The following TVP23C variants were observed in gnomAD, a reference collection of about 807,000 sequenced individuals.
The protein encoded by TVP23C is Golgi apparatus membrane protein TVP23 homolog C.
Under a neutral mutation model 28.7 loss-of-function variants are expected in TVP23C, and 19 were observed. The observed-to-expected ratio is 0.66, with a 90% CI of 0.46 to 0.97. The LOEUF is 0.97. Ranked by LOEUF, TVP23C falls within the 50% of genes least tolerant of loss-of-function variation. The pLI, the probability that TVP23C is intolerant of heterozygous loss-of-function variation, is 0.00. For synonymous variants in TVP23C, 68 were observed against 81.7 expected (o/e 0.83, Z 0.90); for missense variants, 186 against 241.3 (o/e 0.77, Z 1.52).
intron 5 of TVP23C, among the ~76,000 whole-genome samples, chr17:15,511,797 A>G (rs559844008): frequency 6.6e-6 from 1 of 152,196 alleles, no homozygotes; most frequent in South Asian, 2.1e-4. Context: ...GATACTTTCA[A>G]TATCTAATGT....
chr17:15,552,544 C>T (rs1252748249), intron 3 of TVP23C, among the ~76,000 whole-genome samples: 6 of 151,870 alleles, frequency 4.0e-5, no homozygotes, highest in Non-Finnish European at 1.5e-5. Flanking sequence ...ATTAGCCAGG[C>T]GTGGTGGTGC....
At chr17:15,541,049 T>C (rs1983390646) in intron 5 of TVP23C, among the ~76,000 whole-genome samples, 1 of 152,194 alleles carries the variant, frequency 6.6e-6, no homozygotes, top group Admixed American at 6.5e-5. Context: ...GGGGATGCAA[T>C]GCCCTAAGGC....
rs1983346279 is a variant in TVP23C at position 15,540,053 on chromosome 17, A to C, written c.*359T>G. 1 of 1,073,046 alleles carries C rather than the reference A, an allele frequency of 9.3e-7. No homozygotes were observed. Among genetic ancestry groups the C allele is most frequent in the Admixed American group, 4.9e-5 (1 of 20,498 alleles). 66.5% of individuals were successfully genotyped at this position (1,073,046 alleles called of 1,614,324 possible). A position where few individuals can be genotyped will look rare whatever the true frequency, so the allele number is the denominator to read the frequency against. ...GGTTGCAGTGAGCCGAGATTGCACC[A>C]CTGCACTCCAGCCTGGGCGACAGAG... On this transcript the variant is annotated 3_prime_UTR_variant, in exon 6 of 6. Coordinates refer to ENST00000518321, the MANE Select transcript of TVP23C (RefSeq NM_001135036.2).
chr17:15,505,094 G>C (rs1040643946), intron 5 of TVP23C, among the ~76,000 whole-genome samples: 1 of 151,688 alleles, frequency 6.6e-6, no homozygotes, highest in Admixed American at 6.6e-5. Flanking sequence ...AGAGGTAGTG[G>C]TAATGAAGGC....
intron 5 of TVP23C, among the ~76,000 whole-genome samples, chr17:15,525,161 T>C (rs1390874342): frequency 6.6e-6 from 1 of 152,182 alleles, no homozygotes; most frequent in African/African-American, 2.4e-5. Context: ...ATGTATACAA[T>C]GGCTTTCACC....
intron 1 of TVP23C, among the ~76,000 whole-genome samples, 170 bp from the exon 2 acceptor site, chr17:15,555,534 A>G (rs547315137): frequency 1.3e-5 from 2 of 152,318 alleles, no homozygotes; most frequent in South Asian, 4.2e-4. Flanking sequence ...CCGCCTCCTC[A>G]AATCATCTGG....
intron 5 of TVP23C, among the ~76,000 whole-genome samples, chr17:15,542,947 C>A (rs765449631): frequency 6.6e-6 from 1 of 152,188 alleles, no homozygotes; most frequent in Non-Finnish European, 1.5e-5. Flanking sequence ...CTGGCTTTCA[C>A]ATAACCTCTC....
rs1983233108 is a variant in TVP23C at position 15,538,109 on chromosome 17, C to A, written c.*2303G>T. The stretch of plus-strand genomic sequence containing the variant: ...TCAGTTGTTCCCCAATGTAACAAAG[C>A]ACATAAGCTTTCTCTATTCAGGAAG... On this transcript the variant is annotated 3_prime_UTR_variant, in exon 6 of 6. Transcript: ENST00000518321. The A allele has an allele frequency of 1.2e-6, 2 of 1,613,544 alleles. No homozygotes were observed. The highest frequency in any genetic ancestry group is 2.7e-5 in the African/African-American group (2 of 74,836).
chr17:15,539,024 C>T lies in TVP23C; in HGVS notation c.*1388G>A, dbSNP rs1983285102. On this transcript the variant is annotated 3_prime_UTR_variant, in exon 6 of 6. Transcript: ENST00000518321. ...CTGGGTTTAAGATCTAGCTTTGTAC[C>T]ACTATTAGCTGTATAATCTTAAGTA... 1 of 985,016 alleles carries T rather than the reference C, an allele frequency of 1.0e-6. No homozygotes were observed. The highest frequency in any genetic ancestry group is 1.8e-5 in the African/African-American group (1 of 57,122). 61.0% of individuals were successfully genotyped at this position (985,016 alleles called of 1,614,324 possible). A position where few individuals can be genotyped will look rare whatever the true frequency, so the allele number is the denominator to read the frequency against.
chr17:15,504,235 G>A (rs187837523), intron 5 of TVP23C, among the ~76,000 whole-genome samples: 4 of 152,262 alleles, frequency 2.6e-5, no homozygotes, highest in African/African-American at 9.6e-5. Flanking sequence ...ATTTTCAACA[G>A]GAACAAGACT....
At position 15,538,952 on chromosome 17, in the gene TVP23C, A is replaced by T; in HGVS notation, c.*1460T>A. 1.0e-6 allele frequency: 1 copy of T among 985,812 alleles called. No homozygotes were observed. Among genetic ancestry groups the T allele is most frequent in the African/African-American group, 1.7e-5 (1 of 57,362 alleles). The allele number at this position is 985,812 out of a possible 1,614,324, so 61.1% of individuals were successfully genotyped here. On this transcript the variant is annotated 3_prime_UTR_variant, in exon 6 of 6. Transcript: ENST00000518321. Reference sequence around the variant, plus strand: ...TCTACTTTTCATCTTCTGTGAGAGAAACTGTACAGTAGAATAAAAAGAACA... The same window carrying T: ...TCTACTTTTCATCTTCTGTGAGAGATACTGTACAGTAGAATAAAAAGAACA...
At chr17:15,511,278 T>C (rs1981992679) in intron 5 of TVP23C, among the ~76,000 whole-genome samples, 1 of 152,104 alleles carries the variant, frequency 6.6e-6, no homozygotes, top group East Asian at 1.9e-4. Flanking sequence ...GAGGTTATTA[T>C]GAGCAAACAA....
chr17:15,539,929 T>G lies in TVP23C; in HGVS notation c.*483A>C. On this transcript the variant is annotated 3_prime_UTR_variant, in exon 6 of 6. Coordinates refer to ENST00000518321, the MANE Select transcript of TVP23C (RefSeq NM_001135036.2). Reference sequence around the variant, plus strand: ...TAACATGATGAAATCCCATCTCTACTGAAAATACAAAAAATTAGCTGGGCG... The same window carrying G: ...TAACATGATGAAATCCCATCTCTACGGAAAATACAAAAAATTAGCTGGGCG... The G allele has an allele frequency of 7.5e-6, 5 of 670,438 alleles. No individual in the cohort carries two copies. Among genetic ancestry groups the G allele is most frequent in the South Asian group, 5.5e-5 (1 of 18,324 alleles). The allele number at this position is 670,438 out of a possible 1,614,324, so 41.5% of individuals were successfully genotyped here.
intron 3 of TVP23C, among the ~76,000 whole-genome samples, chr17:15,551,791 G>A (rs1013220705): frequency 6.6e-6 from 1 of 152,258 alleles, no homozygotes; most frequent in South Asian, 2.1e-4. Flanking sequence ...ACACCCAGGG[G>A]TTTAGATGAA....
At chr17:15,554,269 G>A (rs1391450599) in intron 2 of TVP23C, among the ~76,000 whole-genome samples, 4 of 132,872 alleles carry the variant, frequency 3.0e-5, no homozygotes, top group African/African-American at 5.7e-5. Context: ...ACGGAGTCTC[G>A]CTCCGTCGCC....
At chr17:15,555,782 C>T (rs1224769877) in intron 1 of TVP23C, among the ~76,000 whole-genome samples, 3 of 152,076 alleles carry the variant, frequency 2.0e-5, no homozygotes, top group African/African-American at 4.8e-5. Context: ...TCTCACAACT[C>T]CTCCTCTTCT....
chr17:15,534,032 T>G (rs1983051906), downstream of TVP23C, among the ~76,000 whole-genome samples: 1 of 152,236 alleles, frequency 6.6e-6, no homozygotes, highest in Admixed American at 6.5e-5. Context: ...TGTCAGATGT[T>G]GTTGTTATAT....
At chr17:15,509,525 C>T (rs935546781) in intron 5 of TVP23C, among the ~76,000 whole-genome samples, 15 of 152,242 alleles carry the variant, frequency 9.9e-5, no homozygotes, top group African/African-American at 3.6e-4. Flanking sequence ...ATACAGATCC[C>T]TGACAGTAAA....
chr17:15,518,207 C>T (rs1405415109), intron 5 of TVP23C, among the ~76,000 whole-genome samples: 1 of 150,518 alleles, frequency 6.6e-6, no homozygotes. Flanking sequence ...CACAGCCTGT[C>T]ACAGAGAACC....
Sources: gnomAD v4.1 joint callset for allele counts (sites outside exome capture counted in the v4.1 genomes callset) on GRCh38, gnomAD v4.1.1 for gene constraint, MANE v1.5 for transcripts, NCBI Gene and HGNC (gene_info 2026-07-23, HGNC 2026-07-21) for gene names.